Variants in FSTL5 observed in about 807,000 individuals in gnomAD.
FSTL5 encodes follistatin like 5.
FSTL5 carries 62 observed loss-of-function variants against 89.1 expected under a neutral mutation model. That is an observed-to-expected ratio of 0.70 (90% confidence interval 0.57 to 0.86). The LOEUF (loss-of-function observed/expected upper bound fraction) is 0.86, where lower values mean the gene tolerates loss of function less well. FSTL5 is among the 40% of genes least tolerant of loss of function. FSTL5 has a pLI of 0.00. For missense variants in FSTL5, 1,057 were observed against 1,001.6 expected (o/e 1.06, Z -0.75); for synonymous variants, 383 against 346.2 (o/e 1.11, Z -1.18).
chr4:161,751,317 C>CA (rs1740384097), intron 6 of FSTL5, among the ~76,000 whole-genome samples: 1 of 152,070 alleles, frequency 6.6e-6, no homozygotes, highest in Non-Finnish European at 1.5e-5. Flanking sequence ...TGTTTAGGAG[C>CA]AAAAAACTGT....
intron 6 of FSTL5, among the ~76,000 whole-genome samples, chr4:161,758,769 C>T (rs1740672506): frequency 6.6e-6 from 1 of 152,168 alleles, no homozygotes; most frequent in African/African-American, 2.4e-5. Context: ...CCACCCACCT[C>T]AGCCTCCCAA....
chr4:161,744,156 C>T (rs1740116554), intron 6 of FSTL5, among the ~76,000 whole-genome samples: 1 of 151,770 alleles, frequency 6.6e-6, no homozygotes, highest in African/African-American at 2.4e-5. Context: ...GAATACTGAA[C>T]GTATGTATGG....
chr4:161,998,979 T>C (rs928379345), intron 3 of FSTL5, among the ~76,000 whole-genome samples: 6 of 152,156 alleles, frequency 3.9e-5, no homozygotes, highest in African/African-American at 1.4e-4. Context: ...TGCTGGTTAG[T>C]TGTGCCGAAA....
At chr4:161,779,795 A>ATATG (rs1741577954) in intron 4 of FSTL5, among the ~76,000 whole-genome samples, 12 of 52,970 alleles carry the variant, frequency 2.3e-4, no homozygotes, top group Non-Finnish European at 3.1e-4. Flanking sequence ...ATATATATAT[A>ATATG]TATATATATA....
Position 161,684,999 on chromosome 4 carries a change from G to A in FSTL5, c.728-28505C>T, listed in dbSNP as rs117622315. On this transcript the variant is annotated intron_variant, in intron 6 of 15. Coordinates refer to ENST00000306100, the MANE Select transcript of FSTL5 (RefSeq NM_020116.5). The stretch of plus-strand genomic sequence containing the variant: ...GACAATTACTCCAGCATCATTTGTT[G>A]AATAGGTCCTTTCCCCTTTTTATTT... Among the ~76,000 whole-genome samples, 898 of 152,194 alleles carry A rather than the reference G, an allele frequency of 5.9e-3. 11 individuals are homozygous for A. Among genetic ancestry groups the A allele is most frequent in the South Asian group, 0.046 (224 of 4,824 alleles).
intron 2 of FSTL5, among the ~76,000 whole-genome samples, chr4:162,055,786 A>G (rs567036115): frequency 2.4e-4 from 37 of 152,058 alleles, no homozygotes; most frequent in African/African-American, 8.7e-4. Flanking sequence ...GCTAAAATGG[A>G]GACACAAGAA....
intron 13 of FSTL5, among the ~76,000 whole-genome samples, chr4:161,475,113 T>C (rs1296125579): frequency 6.6e-6 from 1 of 151,642 alleles, no homozygotes; most frequent in Non-Finnish European, 1.5e-5. Context: ...ATAAATCTGA[T>C]AGCAATCTTA....
chr4:161,786,526 G>C (rs1428005405), intron 4 of FSTL5, among the ~76,000 whole-genome samples: 1 of 152,046 alleles, frequency 6.6e-6, no homozygotes, highest in Non-Finnish European at 1.5e-5. Flanking sequence ...ATTTCAATCA[G>C]TCATAGCCTG....
chr4:161,385,146 T>C lies in FSTL5; in HGVS notation c.*601A>G, dbSNP rs187984301. Reference sequence around the variant, plus strand: ...ACTTATGCCTTCAATTGGTAGTTCATTGAGGGTTAAACAAAAGACTGAAGA... The same window carrying C: ...ACTTATGCCTTCAATTGGTAGTTCACTGAGGGTTAAACAAAAGACTGAAGA... On this transcript the variant is annotated 3_prime_UTR_variant, in exon 16 of 16. Coordinates refer to ENST00000306100, the MANE Select transcript of FSTL5 (RefSeq NM_020116.5). The C allele has an allele frequency of 1.4e-4, 21 of 153,000 alleles. No individual in the cohort carries two copies. The highest frequency in any genetic ancestry group is 4.8e-4 in the African/African-American group (20 of 41,566). 9.5% of individuals were successfully genotyped at this position (153,000 alleles called of 1,614,324 possible).
At chr4:162,138,806 CA>C (rs1732614771) in intron 1 of FSTL5, among the ~76,000 whole-genome samples, 1 of 151,988 alleles carries the variant, frequency 6.6e-6, no homozygotes, top group Non-Finnish European at 1.5e-5. Context: ...ACATGCAACA[CA>C]AAATCGAAAA....
At chr4:162,068,454 G>A (rs758143006) in intron 2 of FSTL5, among the ~76,000 whole-genome samples, 10 of 152,200 alleles carry the variant, frequency 6.6e-5, no homozygotes, top group Admixed American at 1.3e-4. Flanking sequence ...ATGGGGGAAT[G>A]GCTTCCTATT....
At chr4:161,552,661 A>G (rs1367387744) in intron 8 of FSTL5, 3 of 151,736 alleles carry the variant, frequency 2.0e-5, no homozygotes, top group African/African-American at 4.8e-5. Flanking sequence ...ATATATATGA[A>G]AAAATAATAC....
chr4:161,774,306 C>T (rs78289551), intron 5 of FSTL5, among the ~76,000 whole-genome samples: 1 of 152,110 alleles, frequency 6.6e-6, no homozygotes, highest in African/African-American at 2.4e-5. Context: ...CCTTCTCTCA[C>T]CCCCACTTCC....
chr4:162,120,490 G>A (rs1218885268), intron 1 of FSTL5, among the ~76,000 whole-genome samples: 1 of 152,002 alleles, frequency 6.6e-6, no homozygotes, highest in Non-Finnish European at 1.5e-5. Context: ...GAACAGAACT[G>A]AAAACCATCC....
At position 161,928,555 on chromosome 4, in the gene FSTL5, G is replaced by A. The variant is rs115579047; in HGVS notation, c.161-7903C>T. The stretch of plus-strand genomic sequence containing the variant: ...CACCAGCAATGAATGAGAGTTTTTC[G>A]TTGTTCTATATCCTCATCAGTAGTT... On this transcript the variant is annotated intron_variant, in intron 3 of 15. Coordinates refer to ENST00000306100, the MANE Select transcript of FSTL5 (RefSeq NM_020116.5). Among the ~76,000 whole-genome samples the A allele has an allele frequency of 4.2e-3, 633 of 151,778 alleles. 5 individuals are homozygous for A. Among genetic ancestry groups the A allele is most frequent in the African/African-American group, 0.015 (609 of 41,460 alleles).
intron 4 of FSTL5, among the ~76,000 whole-genome samples, chr4:161,817,150 A>T (rs182411972): frequency 1.3e-5 from 2 of 152,374 alleles, no homozygotes; most frequent in East Asian, 3.9e-4. Flanking sequence ...ATGTAAGAAG[A>T]CAGGCCAAAA....
intron 4 of FSTL5, among the ~76,000 whole-genome samples, chr4:161,907,758 A>C (rs1733577316): frequency 6.6e-6 from 1 of 152,106 alleles, no homozygotes; most frequent in African/African-American, 2.4e-5. Context: ...TATTAAAACA[A>C]TATGCAGTAT....
At chr4:161,806,518 C>T (rs1183866017) in intron 4 of FSTL5, among the ~76,000 whole-genome samples, 1 of 151,968 alleles carries the variant, frequency 6.6e-6, no homozygotes, top group East Asian at 1.9e-4. Flanking sequence ...TAGAAAAAGG[C>T]TAAAAATGCC....
chr4:161,687,281 C>T (rs1303217809), intron 6 of FSTL5, among the ~76,000 whole-genome samples: 1 of 152,082 alleles, frequency 6.6e-6, no homozygotes, highest in East Asian at 1.9e-4. Flanking sequence ...AAATGCAATT[C>T]ACTTAACATA....
Sources: allele counts gnomAD v4.1 joint callset (sites outside exome capture counted in the v4.1 genomes callset), GRCh38; gene constraint gnomAD v4.1.1; transcripts MANE v1.5; gene names NCBI Gene and HGNC (gene_info 2026-07-23, HGNC 2026-07-21).